POMK: variants seen among roughly 807,000 people sequenced by gnomAD.
POMK encodes Sugen kinase 196.
In POMK, 19 loss-of-function variants were observed where a neutral mutation model predicts 23.0. The observed-to-expected ratio is 0.83, with a 90% CI of 0.58 to 1.21. POMK has a LOEUF of 1.21. Among genes scored for constraint, POMK ranks in the 50% most tolerant of loss-of-function variants. POMK has a pLI of 0.00. For synonymous variants in POMK, 173 were observed against 171.6 expected (o/e 1.01, Z -0.06); for missense variants, 410 against 431.3 (o/e 0.95, Z 0.44).
chr8:43,116,859 T>C (rs1586678338), intron 4 of POMK, among the ~76,000 whole-genome samples: 1 of 152,196 alleles, frequency 6.6e-6, no homozygotes, highest in South Asian at 2.1e-4. Context: ...CAATAAAGCA[T>C]TTAATCACCT....
chr8:43,114,437 G>C (rs937157566), intron 4 of POMK, among the ~76,000 whole-genome samples: 1 of 152,232 alleles, frequency 6.6e-6, no homozygotes, highest in Non-Finnish European at 1.5e-5. Context: ...TAATCTCCTG[G>C]TGTGCCGTTT....
At chr8:43,119,063 GGCCTCTTGA>G (rs2130622263) in intron 4 of POMK, among the ~76,000 whole-genome samples, 1 of 152,184 alleles carries the variant, frequency 6.6e-6, no homozygotes, top group African/African-American at 2.4e-5. Context: ...CACCCGCCTC[GGCCTCTTGA>G]AGTGCTGGGA....
intron 4 of POMK, among the ~76,000 whole-genome samples, chr8:43,121,383 T>C (rs1221269724): frequency 1.3e-5 from 2 of 152,188 alleles, no homozygotes; most frequent in African/African-American, 4.8e-5. Flanking sequence ...AAGGCAGAAA[T>C]GTGAACTTGC....
intron 2 of POMK, among the ~76,000 whole-genome samples, chr8:43,100,965 G>T (rs1252158134): frequency 6.6e-6 from 1 of 152,140 alleles, no homozygotes; most frequent in Non-Finnish European, 1.5e-5. Flanking sequence ...AGGCACTGAA[G>T]TGTGTGCCAT....
intron 4 of POMK, among the ~76,000 whole-genome samples, chr8:43,120,651 T>C (rs2130624394): frequency 6.6e-6 from 1 of 151,858 alleles, no homozygotes; most frequent in South Asian, 2.1e-4. Context: ...TACGCTCCAT[T>C]ACACCCTGCT....
chr8:43,095,531 G>T (rs1811316410), intron 1 of POMK, among the ~76,000 whole-genome samples: 1 of 152,110 alleles, frequency 6.6e-6, no homozygotes. Context: ...TAGAAAATAT[G>T]CATTTCTAGA....
At position 43,115,737 on chromosome 8, in the gene POMK, A is replaced by C. The variant is rs147724446; in HGVS notation, c.283-6370A>C. ...GAATGCCTCTTCTAAATTATTGGTC[A>C]AATAGTGTCATTCCTCTGCTCAAAA... On this transcript the variant is annotated intron_variant, in intron 4 of 4. Coordinates refer to ENST00000331373, the MANE Select transcript of POMK (RefSeq NM_032237.5). 9.4e-3 allele frequency among the ~76,000 whole-genome samples: 1,428 copies of C among 152,334 alleles called. 14 individuals carry two copies. Among genetic ancestry groups the C allele is most frequent in the Non-Finnish European group, 0.015 (1,009 of 68,036 alleles).
intron 2 of POMK, among the ~76,000 whole-genome samples, chr8:43,098,043 A>G (rs1811369481): frequency 6.6e-6 from 1 of 152,154 alleles, no homozygotes; most frequent in African/African-American, 2.4e-5. Context: ...GGGCTTGGCC[A>G]ACCACAGCTT....
Position 43,122,269 on chromosome 8 carries a change from A to T in POMK, c.445A>T (p.Thr149Ser), listed in dbSNP as rs1811933178. ...GYCEDDNTMLTEYHPLGSLSN... is the reference protein window; with the variant it reads ...GYCEDDNTMLSEYHPLGSLSN... ...TTGTGAGGATGACAACACTATGCTT[A>T]CTGAATATCACCCTCTAGGTTCCTT... Residue 149 changes from threonine (T) to serine (S), a missense_variant, in exon 5 of 5, where the codon ACT (threonine) becomes TCT (serine). Thr to Ser is a moderately conservative substitution (Grantham distance 58). Coordinates refer to ENST00000331373, the MANE Select transcript of POMK (RefSeq NM_032237.5). 6.2e-7 allele frequency: 1 copy of T among 1,614,104 alleles called. No individual in the cohort carries two copies. Among genetic ancestry groups the T allele is most frequent in the Non-Finnish European group, 8.5e-7 (1 of 1,180,040 alleles).
At chr8:43,095,838 G>A (rs947402933) in intron 1 of POMK, among the ~76,000 whole-genome samples, 2 of 152,220 alleles carry the variant, frequency 1.3e-5, no homozygotes, top group Non-Finnish European at 2.9e-5. Flanking sequence ...CTAGTGGCAA[G>A]GAAGGATTGG....
intron 4 of POMK, among the ~76,000 whole-genome samples, chr8:43,109,816 C>T (rs1811613550): frequency 6.6e-6 from 1 of 152,094 alleles, no homozygotes; most frequent in Admixed American, 6.6e-5. Context: ...GTTGGTATAA[C>T]AGGCGTGAGC....
intron 3 of POMK, 25 bp from the exon 4 acceptor site, chr8:43,103,503 C>T (rs766061422): frequency 7.5e-6 from 12 of 1,605,774 alleles, no homozygotes; most frequent in Non-Finnish European, 1.0e-5. Context: ...ACTGTCATGA[C>T]TTCTTGTTTC....
At chr8:43,107,369 G>T (rs187707834) in intron 4 of POMK, among the ~76,000 whole-genome samples, 1 of 152,072 alleles carries the variant, frequency 6.6e-6, no homozygotes, top group East Asian at 1.9e-4. Context: ...TGCATAAAGC[G>T]CATCAGTAAT....
chr8:43,107,436 G>A (rs187694655), intron 4 of POMK, among the ~76,000 whole-genome samples: 5 of 152,198 alleles, frequency 3.3e-5, no homozygotes, highest in Admixed American at 2.6e-4. Flanking sequence ...GTGCAGTGGC[G>A]TGATCTCAGC....
At chr8:43,095,000 C>T (rs1388841375) in intron 1 of POMK, among the ~76,000 whole-genome samples, 4 of 152,160 alleles carry the variant, frequency 2.6e-5, no homozygotes, top group African/African-American at 9.7e-5. Context: ...ATGCTCTGGG[C>T]GGCCTACTCC....
chr8:43,115,455 C>G (rs1185034300), intron 4 of POMK, among the ~76,000 whole-genome samples: 2 of 152,204 alleles, frequency 1.3e-5, no homozygotes, highest in African/African-American at 4.8e-5. Context: ...CTCCATCAGT[C>G]CTGCTGTTCT....
At chr8:43,113,584 TTGTC>T (rs1811727697) in intron 4 of POMK, among the ~76,000 whole-genome samples, 1 of 152,260 alleles carries the variant, frequency 6.6e-6, no homozygotes, top group Non-Finnish European at 1.5e-5. Context: ...CGTAGTTTGA[TTGTC>T]TGAAGCCTTC....
At chr8:43,099,571 G>C (rs371914577) in intron 2 of POMK, among the ~76,000 whole-genome samples, 8 of 152,348 alleles carry the variant, frequency 5.3e-5, no homozygotes, top group African/African-American at 1.9e-4. Flanking sequence ...AATCACGGTA[G>C]ATGCTATTGA....
rs1471596459 is a variant in POMK at position 43,122,844 on chromosome 8, T to G, written c.1020T>G (p.Asp340Glu). The change falls in exon 5 of 5, where the codon GAT (aspartate) becomes GAG (glutamate). Residue 340 changes from aspartate (D) to glutamate (E), a missense_variant. Transcript: ENST00000331373. ...TYQKVLDTLR[D>E]AMMSQAREML ...AGAAGGTCTTGGATACACTTAGAGA[T>G]GCCATGATGTCTCAGGCAAGAGAGA... is the stretch of plus-strand genomic sequence containing the variant. The G allele has an allele frequency of 6.2e-7, 1 of 1,613,022 alleles. No individual in the cohort carries two copies.
Sources: allele counts gnomAD v4.1 joint callset (sites outside exome capture counted in the v4.1 genomes callset), GRCh38; gene constraint gnomAD v4.1.1; transcripts MANE v1.5; gene names NCBI Gene and HGNC (gene_info 2026-07-23, HGNC 2026-07-21).